Variants in CRY1 observed in about 807,000 individuals in gnomAD.
The protein encoded by CRY1 is cryptochrome circadian regulator 1.
CRY1 carries 45 observed loss-of-function variants against 76.0 expected under a neutral mutation model. The ratio of observed to expected loss-of-function variants is 0.59; its 90% CI spans 0.47 to 0.76. The LOEUF (loss-of-function observed/expected upper bound fraction) is 0.76, where lower values mean the gene tolerates loss of function less well. Among genes scored for constraint, CRY1 ranks in the 30% least tolerant of loss-of-function variants. CRY1 has a pLI of 0.00. For missense variants in CRY1, 587 were observed against 716.4 expected (o/e 0.82, Z 2.06); for synonymous variants, 248 against 244.0 (o/e 1.02, Z -0.15).
intron 1 of CRY1, among the ~76,000 whole-genome samples, chr12:107,090,147 T>C (rs1357156843): frequency 1.3e-5 from 2 of 152,088 alleles, no homozygotes. Flanking sequence ...TGGAGTGCAG[T>C]GGCACGATCT....
At chr12:107,036,823 A>G (rs541061080) in intron 1 of CRY1, among the ~76,000 whole-genome samples, 3 of 152,126 alleles carry the variant, frequency 2.0e-5, no homozygotes, top group African/African-American at 7.2e-5. Flanking sequence ...ACAGGGTTCA[A>G]TTCCTCTCTT....
chr12:107,078,918 C>A (rs1953289992), intron 1 of CRY1, among the ~76,000 whole-genome samples: 1 of 152,184 alleles, frequency 6.6e-6, no homozygotes, highest in East Asian at 1.9e-4. Flanking sequence ...ATATCTTCCC[C>A]TTCCTCATAG....
chr12:107,027,284 A>G (rs530374792), intron 1 of CRY1, among the ~76,000 whole-genome samples: 2 of 152,186 alleles, frequency 1.3e-5, no homozygotes, highest in Non-Finnish European at 2.9e-5. Context: ...GAATGAAATG[A>G]ATGATTTATT....
At chr12:107,065,298 A>T (rs1397494196) in intron 1 of CRY1, among the ~76,000 whole-genome samples, 1 of 151,858 alleles carries the variant, frequency 6.6e-6, no homozygotes, top group Non-Finnish European at 1.5e-5. Flanking sequence ...CTGTCTGAAA[A>T]AAAAGGAGTA....
intron 1 of CRY1, among the ~76,000 whole-genome samples, chr12:107,053,933 T>A (rs1952952665): frequency 1.3e-5 from 2 of 152,178 alleles, no homozygotes; most frequent in Admixed American, 6.5e-5. Flanking sequence ...ACTGTCAACC[T>A]AGAATTCTAT....
intron 1 of CRY1, among the ~76,000 whole-genome samples, chr12:107,034,544 T>C (rs1034814067): frequency 6.6e-6 from 1 of 152,194 alleles, no homozygotes; most frequent in Non-Finnish European, 1.5e-5. Flanking sequence ...GAACCCTCTC[T>C]TAAGGGCTGA....
intron 2 of CRY1, among the ~76,000 whole-genome samples, chr12:107,020,600 A>T (rs1326422281): frequency 2.6e-5 from 4 of 151,502 alleles, no homozygotes. Context: ...TGCTCTGGCC[A>T]TGTGAAGTTC....
intron 10 of CRY1, among the ~76,000 whole-genome samples, chr12:106,995,581 T>C (rs765144560): frequency 6.6e-6 from 1 of 152,196 alleles, no homozygotes; most frequent in Non-Finnish European, 1.5e-5. Context: ...GGTATTGACA[T>C]TGATACAAAG....
intron 1 of CRY1, among the ~76,000 whole-genome samples, chr12:107,062,678 G>A (rs1443348993): frequency 6.6e-6 from 1 of 152,176 alleles, no homozygotes; most frequent in African/African-American, 2.4e-5. Flanking sequence ...CACACTGGGA[G>A]TTGCATTCAA....
At chr12:107,070,735 C>G (rs1336511006) in intron 1 of CRY1, among the ~76,000 whole-genome samples, 4 of 151,298 alleles carry the variant, frequency 2.6e-5, no homozygotes, top group Admixed American at 6.6e-5. Context: ...GAGTCTCACT[C>G]TGTCGCCCAG....
chr12:107,009,760 CT>C, intron 2 of CRY1, among the ~76,000 whole-genome samples: 1 of 151,002 alleles, frequency 6.6e-6, no homozygotes, highest in Non-Finnish European at 1.5e-5. Context: ...ACAAAAAAAA[CT>C]TTTTTTAAAT....
rs1952611711 is a variant in CRY1, at chr12:107,026,160, T to TATATATATATTACATATATATATAAA, written c.159-3969_159-3968insTTTATATATATATGTAATATATATAT. Among the ~76,000 whole-genome samples, 63 of 75,854 alleles carry TATATATATATTACATATATATATAAA rather than the reference T, an allele frequency of 8.3e-4. 3 individuals carry two copies. The highest frequency in any genetic ancestry group is 1.2e-3 in the African/African-American group (16 of 13,224). The allele number at this position is 75,854 out of a possible 152,430, so 49.8% of individuals were successfully genotyped here. On this transcript the variant is annotated intron_variant, in intron 1 of 12. Coordinates refer to ENST00000008527, the MANE Select transcript of CRY1 (RefSeq NM_004075.5). ...ATATATATTACATATATATATAAAA[T>TATATATATATTACATATATATATAAA]ATATATATATATATTACATATATAT...
intron 1 of CRY1, among the ~76,000 whole-genome samples, chr12:107,088,225 T>C (rs746501498): frequency 2.6e-4 from 40 of 152,136 alleles, no homozygotes; most frequent in Non-Finnish European, 5.6e-4. Context: ...TATCACGTAA[T>C]GAGTGACTTC....
At chr12:107,061,511 C>G (rs1213477266) in intron 1 of CRY1, among the ~76,000 whole-genome samples, 1 of 151,944 alleles carries the variant, frequency 6.6e-6, no homozygotes, top group Non-Finnish European at 1.5e-5. Context: ...TCCTGGGTAG[C>G]TGGGATTACA....
At chr12:107,049,096 A>T (rs1034799067) in intron 1 of CRY1, among the ~76,000 whole-genome samples, 3 of 152,164 alleles carry the variant, frequency 2.0e-5, no homozygotes, top group Non-Finnish European at 2.9e-5. Context: ...TAGTGCTTGT[A>T]TAGGATATTT....
intron 1 of CRY1, among the ~76,000 whole-genome samples, chr12:107,037,273 T>C (rs1304734586): frequency 3.3e-5 from 5 of 151,918 alleles, no homozygotes; most frequent in African/African-American, 1.2e-4. Flanking sequence ...AATAAGAAAA[T>C]GGTAATCCCA....
intron 1 of CRY1, among the ~76,000 whole-genome samples, chr12:107,069,796 A>C (rs375621758): frequency 7.4e-5 from 11 of 149,028 alleles, no homozygotes; most frequent in African/African-American, 2.7e-4. Context: ...GACAAATAAA[A>C]CTGAAAAGAC....
chr12:107,087,398 T>C (rs1200746600), intron 1 of CRY1, among the ~76,000 whole-genome samples: 3 of 152,244 alleles, frequency 2.0e-5, no homozygotes, highest in African/African-American at 4.8e-5. Context: ...AACCAAGCCA[T>C]AGAGATGGGG....
chr12:107,009,271 C>T lies in CRY1; in HGVS notation c.268-4023G>A, dbSNP rs138201314. ...ATTTTAAAATATTGCAGGCTGGGCA[C>T]GGTGGCTCACACCAGTGAGCTCTTT... On this transcript the variant is annotated intron_variant, in intron 2 of 12. Coordinates refer to ENST00000008527, the MANE Select transcript of CRY1 (RefSeq NM_004075.5). 1.8e-3 allele frequency among the ~76,000 whole-genome samples: 281 copies of T among 151,980 alleles called. 2 individuals carry two copies. The highest frequency in any genetic ancestry group is 2.6e-3 in the African/African-American group (108 of 41,462).
Sources: gnomAD v4.1 joint callset for allele counts (sites outside exome capture counted in the v4.1 genomes callset) on GRCh38, gnomAD v4.1.1 for gene constraint, MANE v1.5 for transcripts, NCBI Gene and HGNC (gene_info 2026-07-23, HGNC 2026-07-21) for gene names.